MSRA: variants seen among roughly 807,000 people sequenced by gnomAD.
MSRA encodes mitochondrial peptide methionine sulfoxide reductase.
In MSRA, 54 loss-of-function variants were observed where a neutral mutation model predicts 31.3. The observed-to-expected ratio is 1.73, with a 90% CI of 1.39 to 2.17. The LOEUF is 2.17. Ranked by LOEUF, MSRA falls within the 30% of genes most tolerant of loss-of-function variation. The pLI, the probability that MSRA is intolerant of heterozygous loss-of-function variation, is 0.00. For synonymous variants in MSRA, 169 were observed against 116.5 expected (o/e 1.45, Z -2.90); for missense variants, 507 against 300.9 (o/e 1.69, Z -5.07).
chr8:10,391,086 G>A (rs1806716060), intron 5 of MSRA, among the ~76,000 whole-genome samples: 1 of 152,058 alleles, frequency 6.6e-6, no homozygotes, highest in Non-Finnish European at 1.5e-5. Flanking sequence ...AGTAAAAAGA[G>A]AGAGAAATAT....
chr8:10,055,909 C>G (rs1802335906), intron 1 of MSRA, among the ~76,000 whole-genome samples: 2 of 152,124 alleles, frequency 1.3e-5, no homozygotes, highest in Admixed American at 1.3e-4. Flanking sequence ...GTTTCCCCAT[C>G]ATTTCACCTG....
chr8:10,076,785 C>T (rs1798014908), intron 1 of MSRA, among the ~76,000 whole-genome samples: 1 of 152,008 alleles, frequency 6.6e-6, no homozygotes, highest in Non-Finnish European at 1.5e-5. Context: ...CTCCACCCAG[C>T]TCCGATAGAG....
chr8:10,174,808 C>A (rs747890247), intron 1 of MSRA, among the ~76,000 whole-genome samples: 3 of 152,180 alleles, frequency 2.0e-5, no homozygotes, highest in Non-Finnish European at 4.4e-5. Flanking sequence ...TGCCCTCCGA[C>A]GCTGAGTTTC....
At chr8:10,316,639 C>A (rs1801744056) in intron 4 of MSRA, among the ~76,000 whole-genome samples, 1 of 145,728 alleles carries the variant, frequency 6.9e-6, no homozygotes, top group African/African-American at 2.6e-5. Context: ...GAGGGCTGTC[C>A]ATTCATTTAT....
chr8:10,171,817 TTAACAAC>T (rs768759569), intron 1 of MSRA, among the ~76,000 whole-genome samples: 1 of 152,240 alleles, frequency 6.6e-6, no homozygotes, highest in Non-Finnish European at 1.5e-5. Flanking sequence ...AATAATTCTG[TTAACAAC>T]TGCTTGAAAT....
intron 1 of MSRA, among the ~76,000 whole-genome samples, chr8:10,179,080 G>A (rs1026282546): frequency 1.3e-5 from 2 of 152,184 alleles, no homozygotes; most frequent in Non-Finnish European, 2.9e-5. Context: ...CCTTGGCAGA[G>A]TTCAGTTCAC....
chr8:10,211,457 G>A (rs564834850), intron 2 of MSRA, among the ~76,000 whole-genome samples: 11 of 152,176 alleles, frequency 7.2e-5, no homozygotes, highest in East Asian at 1.9e-4. Context: ...GTCCTCCTTG[G>A]GGGCTTCTCC....
chr8:10,236,225 CATT>C (rs1811924932), intron 2 of MSRA, among the ~76,000 whole-genome samples: 1 of 152,102 alleles, frequency 6.6e-6, no homozygotes, highest in African/African-American at 2.4e-5. Flanking sequence ...CTAGCATTGT[CATT>C]ATTCAGCATT....
intron 1 of MSRA, among the ~76,000 whole-genome samples, chr8:10,093,160 A>C (rs1798942776): frequency 6.6e-6 from 1 of 152,092 alleles, no homozygotes; most frequent in South Asian, 2.1e-4. Context: ...ATGTCTTTTA[A>C]TTGGAGTGTT....
chr8:10,254,464 G>C (rs1798073949), intron 3 of MSRA, among the ~76,000 whole-genome samples: 1 of 152,122 alleles, frequency 6.6e-6, no homozygotes, highest in South Asian at 2.1e-4. Flanking sequence ...CCCATCTTAG[G>C]TTTAGAAGAG....
intron 1 of MSRA, among the ~76,000 whole-genome samples, chr8:10,185,787 C>T (rs932286018): frequency 1.3e-5 from 2 of 152,132 alleles, no homozygotes; most frequent in African/African-American, 4.8e-5. Context: ...CTACGGAAAC[C>T]CACTCATCTT....
chr8:10,275,583 G>T (rs918464732), intron 3 of MSRA, among the ~76,000 whole-genome samples: 1 of 152,112 alleles, frequency 6.6e-6, no homozygotes, highest in Non-Finnish European at 1.5e-5. Flanking sequence ...TGAAGTAATT[G>T]GAACAGTCAT....
At chr8:10,340,712 G>A (rs1184461595) in intron 5 of MSRA, among the ~76,000 whole-genome samples, 1 of 152,236 alleles carries the variant, frequency 6.6e-6, no homozygotes, top group East Asian at 1.9e-4. Context: ...AAGTGGCGAG[G>A]ATGGCATGTT....
At chr8:10,096,225 C>G (rs1799148653) in intron 1 of MSRA, 2 of 1,222,722 alleles carry the variant, frequency 1.6e-6, no homozygotes, top group African/African-American at 1.6e-5. Context: ...TTCATGCTGT[C>G]CTAAACTACA....
chr8:10,263,594 CT>C (rs1357641264), intron 3 of MSRA, among the ~76,000 whole-genome samples: 3 of 152,232 alleles, frequency 2.0e-5, no homozygotes, highest in Admixed American at 2.0e-4. Context: ...TCAGTCTTCT[CT>C]CTTTTTTATT....
intron 1 of MSRA, among the ~76,000 whole-genome samples, chr8:10,177,962 A>G (rs902142760): frequency 3.9e-5 from 6 of 152,240 alleles, no homozygotes; most frequent in African/African-American, 1.4e-4. Context: ...AATTACTTTG[A>G]ACCAGGTCAA....
chr8:10,218,220 C>T (rs1810175867), intron 2 of MSRA, among the ~76,000 whole-genome samples: 1 of 151,716 alleles, frequency 6.6e-6, no homozygotes, highest in Non-Finnish European at 1.5e-5. Context: ...GGTCTTGGCT[C>T]ACTGCAACCT....
chr8:10,374,801 G>A (rs1180843482), intron 5 of MSRA, among the ~76,000 whole-genome samples: 1 of 152,328 alleles, frequency 6.6e-6, no homozygotes, highest in East Asian at 1.9e-4. Flanking sequence ...GACCTCCGAT[G>A]TTGGAGATGG....
intron 1 of MSRA, among the ~76,000 whole-genome samples, chr8:10,194,207 A>G (rs969519694): frequency 6.6e-6 from 1 of 152,184 alleles, no homozygotes; most frequent in Non-Finnish European, 1.5e-5. Context: ...ATTTTTGAAT[A>G]ATCTTTTATT....
Sources: allele counts gnomAD v4.1 joint callset (sites outside exome capture counted in the v4.1 genomes callset), GRCh38; gene constraint gnomAD v4.1.1; transcripts MANE v1.5; gene names NCBI Gene and HGNC (gene_info 2026-07-23, HGNC 2026-07-21).